The following MEF2A variants were observed in gnomAD, a reference collection of about 807,000 sequenced individuals.
MEF2A encodes the protein myocyte enhancer factor 2A.
A neutral mutation model predicts 55.8 loss-of-function variants in MEF2A; 28 were observed. That is an observed-to-expected ratio of 0.50 (90% CI 0.37 to 0.69). MEF2A has a LOEUF of 0.69. Ranked by LOEUF, MEF2A falls within the 30% of genes least tolerant of loss-of-function variation. The pLI is 0.00. For missense variants in MEF2A, 528 were observed against 626.2 expected (o/e 0.84, Z 1.67); for synonymous variants, 239 against 227.1 (o/e 1.05, Z -0.47).
At chr15:99,596,999 A>G (rs1307742295) in intron 1 of MEF2A, among the ~76,000 whole-genome samples, 1 of 152,138 alleles carries the variant, frequency 6.6e-6, no homozygotes, top group Non-Finnish European at 1.5e-5. Flanking sequence ...GCTGAGGAGG[A>G]TTATATCATC....
At chr15:99,609,642 G>T (rs1432267851) in intron 2 of MEF2A, among the ~76,000 whole-genome samples, 1 of 152,090 alleles carries the variant, frequency 6.6e-6, no homozygotes, top group Non-Finnish European at 1.5e-5. Flanking sequence ...GGCTAATTTA[G>T]AATTTGAATT....
chr15:99,711,079 G>T (rs905793734), intron 11 of MEF2A, among the ~76,000 whole-genome samples: 2 of 152,290 alleles, frequency 1.3e-5, no homozygotes, highest in South Asian at 4.1e-4. Flanking sequence ...CCATCCTTCT[G>T]CCCTCTGACC....
intron 10 of MEF2A, among the ~76,000 whole-genome samples, chr15:99,709,739 A>C (rs922199739): frequency 2.6e-5 from 4 of 152,234 alleles, no homozygotes; most frequent in African/African-American, 9.6e-5. Context: ...TGTGAGTGAT[A>C]ACTAACGTCC....
intron 1 of MEF2A, among the ~76,000 whole-genome samples, chr15:99,570,090 C>T (rs996444994): frequency 1.3e-5 from 2 of 151,704 alleles, no homozygotes; most frequent in African/African-American, 2.4e-5. Context: ...TATTAATTAT[C>T]TTAGTCGAGA....
At chr15:99,710,854 G>A in intron 11 of MEF2A, 94 bp downstream of exon 11, 12 of 1,404,576 alleles carry the variant, frequency 8.5e-6, no homozygotes, top group Non-Finnish European at 1.2e-5. Context: ...TGAGTTTCGT[G>A]TGAGGAATCC....
At position 99,689,273 on chromosome 15, in the gene MEF2A, C is replaced by T. The variant is rs148231323; in HGVS notation, c.671-968C>T. ...GAAGTAGAGCCATAAGGAAGAAGTA[C>T]GTGGTGAAAACGGGGCATTAGAAAT... On this transcript the variant is annotated intron_variant, in intron 7 of 11. Coordinates refer to ENST00000557942, the MANE Select transcript of MEF2A (RefSeq NM_001319206.4). Among the ~76,000 whole-genome samples the T allele has an allele frequency of 8.4e-4, 128 of 152,218 alleles. No individual in the cohort carries two copies. In the South Asian group the frequency reaches 9.3e-3, roughly 11 times the overall value.
At chr15:99,691,797 T>G (rs2055528036) in intron 8 of MEF2A, among the ~76,000 whole-genome samples, 3 of 152,204 alleles carry the variant, frequency 2.0e-5, no homozygotes, top group Admixed American at 2.0e-4. Flanking sequence ...TTAATTTTAT[T>G]TGCTTATTCC....
intron 8 of MEF2A, among the ~76,000 whole-genome samples, chr15:99,700,694 A>T (rs2057291004): frequency 6.6e-6 from 1 of 152,156 alleles, no homozygotes; most frequent in South Asian, 2.1e-4. Flanking sequence ...CTTGGAAAAA[A>T]ATGGTTTGTT....
At chr15:99,612,547 A>G (rs2039462492) in intron 2 of MEF2A, among the ~76,000 whole-genome samples, 1 of 152,192 alleles carries the variant, frequency 6.6e-6, no homozygotes, top group African/African-American at 2.4e-5. Context: ...CCTGAACAAC[A>G]CAGTGAGACC....
At chr15:99,654,010 C>CT (rs1264764159) in intron 4 of MEF2A, among the ~76,000 whole-genome samples, 1 of 151,886 alleles carries the variant, frequency 6.6e-6, no homozygotes, top group Non-Finnish European at 1.5e-5. Context: ...CATTAGCTTG[C>CT]TTTTTTTGCG....
chr15:99,716,338 T>A lies in MEF2A; in HGVS notation c.*3567T>A. ...ACCTTTTAAGAAAAATAAGTTAATC[T>A]CAATTTTTCCCTGAATGTGTTGTTT... On this transcript the variant is annotated 3_prime_UTR_variant, in exon 12 of 12. Coordinates refer to ENST00000557942, the MANE Select transcript of MEF2A (RefSeq NM_001319206.4). 2.9e-6 allele frequency: 1 copy of A among 350,334 alleles called. No homozygotes were observed. The highest frequency in any genetic ancestry group is 7.5e-5 in the East Asian group (1 of 13,254). The allele number at this position is 350,334 out of a possible 1,614,324, so 21.7% of individuals were successfully genotyped here.
chr15:99,693,719 C>G (rs1276797105), intron 8 of MEF2A, among the ~76,000 whole-genome samples: 1 of 152,082 alleles, frequency 6.6e-6, no homozygotes, highest in South Asian at 2.1e-4. Flanking sequence ...GCCAGCAGAC[C>G]TGCTCTACAA....
intron 2 of MEF2A, among the ~76,000 whole-genome samples, chr15:99,602,232 T>TG (rs1442710623): frequency 6.6e-6 from 1 of 152,092 alleles, no homozygotes; most frequent in Non-Finnish European, 1.5e-5. Context: ...GGTTTGACCT[T>TG]TGACTCAGGG....
At chr15:99,686,525 G>T (rs371785624) in intron 7 of MEF2A, among the ~76,000 whole-genome samples, 15 of 152,160 alleles carry the variant, frequency 9.9e-5, no homozygotes, top group African/African-American at 2.9e-4. Flanking sequence ...TATTTTGTTT[G>T]AGGAAGCTAA....
chr15:99,663,370 G>A (rs2049009029), intron 4 of MEF2A, among the ~76,000 whole-genome samples: 1 of 151,782 alleles, frequency 6.6e-6, no homozygotes, highest in South Asian at 2.1e-4. Flanking sequence ...ATTATATACG[G>A]AAATGGACTG....
At chr15:99,662,753 C>T (rs2048875934) in intron 4 of MEF2A, among the ~76,000 whole-genome samples, 1 of 152,312 alleles carries the variant, frequency 6.6e-6, no homozygotes, top group East Asian at 1.9e-4. Flanking sequence ...GCTAGGATTA[C>T]AGGCATGAGC....
chr15:99,656,601 T>C (rs1282591149), intron 4 of MEF2A, among the ~76,000 whole-genome samples: 1 of 152,110 alleles, frequency 6.6e-6, no homozygotes, highest in Non-Finnish European at 1.5e-5. Flanking sequence ...AACTTCATGA[T>C]TGGAGTATAC....
At chr15:99,704,530 C>T (rs550777879) in intron 9 of MEF2A, among the ~76,000 whole-genome samples, 1 of 152,310 alleles carries the variant, frequency 6.6e-6, no homozygotes, top group South Asian at 2.1e-4. Context: ...GTGAATGCGT[C>T]CATGAATTAT....
rs564182123 is a variant in MEF2A, at chr15:99,662,880, A to G, written c.259-8443A>G. ...GGAGCATGTACTGCTCAGCTGTGTC[A>G]TAGCAATGAGATTTAAGGTGGGTGG... On this transcript the variant is annotated intron_variant, in intron 4 of 11. Transcript: ENST00000557942. Among the ~76,000 whole-genome samples, 38 of 152,374 alleles carry G rather than the reference A, an allele frequency of 2.5e-4. 2 individuals carry two copies. The South Asian group carries it at 7.9e-3, about 32-fold the overall frequency.
Sources: gnomAD v4.1 joint callset for allele counts (sites outside exome capture counted in the v4.1 genomes callset) on GRCh38, gnomAD v4.1.1 for gene constraint, MANE v1.5 for transcripts, NCBI Gene and HGNC (gene_info 2026-07-23, HGNC 2026-07-21) for gene names.